The following TMEM43 variants were observed in gnomAD, a reference collection of about 807,000 sequenced individuals.
TMEM43 encodes the protein arrhythmogenic right ventricular dysplasia 5.
A neutral mutation model predicts 49.6 loss-of-function variants in TMEM43; 45 were observed. The observed-to-expected ratio is 0.91, with a 90% CI of 0.71 to 1.16. The LOEUF (loss-of-function observed/expected upper bound fraction) is 1.16, where lower values mean the gene tolerates loss of function less well. TMEM43 is among the 50% of genes most tolerant of loss of function. TMEM43 has a pLI of 0.00. For synonymous variants in TMEM43, 199 were observed against 207.8 expected, an observed-to-expected ratio of 0.96 and a Z score of 0.36; for missense variants, 532 against 516.6, an observed-to-expected ratio of 1.03 and a Z score of -0.29.
intron 1 of TMEM43, among the ~76,000 whole-genome samples, chr3:14,127,889 A>G (rs1455016671): frequency 1.3e-5 from 2 of 152,204 alleles, no homozygotes; most frequent in Non-Finnish European, 2.9e-5. Context: ...CCCCAATACC[A>G]GGATGGGGCC....
rs10648308 is a variant in TMEM43, at chr3:14,129,307, T to TAAAAA, written c.13-82_13-78dup. 3.1e-4 allele frequency: 118 copies of TAAAAA among 380,566 alleles called. 1 individual carries two copies. The highest frequency in any genetic ancestry group is 6.9e-4 in the African/African-American group (20 of 28,880). The allele number at this position is 380,566 out of a possible 1,614,324, so 23.6% of individuals were successfully genotyped here. A position where few individuals can be genotyped will look rare whatever the true frequency, so the allele number is the denominator to read the frequency against. ...TGTTTTTACCACATACAGTTAAAAC[T>TAAAAA]AAAAAAAAAAAAAAAAAAAAAAAAA... On this transcript the variant is annotated intron_variant, in intron 1 of 11. Transcript: ENST00000306077.
chr3:14,128,811 A>T (rs539444227), intron 1 of TMEM43: 6 of 358,320 alleles, frequency 1.7e-5, no homozygotes, highest in South Asian at 1.1e-4. Flanking sequence ...ATGTCTGCAT[A>T]AAGGTTCATG....
chr3:14,125,466 C>A (rs1017267424), intron 1 of TMEM43, among the ~76,000 whole-genome samples: 2 of 152,080 alleles, frequency 1.3e-5, no homozygotes, highest in African/African-American at 4.8e-5. Flanking sequence ...AGGTGTTGCT[C>A]CCGTACTGGG....
chr3:14,131,766 T>G, intron 4 of TMEM43, 92 bp downstream of exon 4: 3 of 900,916 alleles, frequency 3.3e-6, no homozygotes, highest in Non-Finnish European at 5.4e-6. Context: ...TTTTGATACC[T>G]TTGAAACTCA....
intron 10 of TMEM43, chr3:14,138,038 C>G (rs1695192514): frequency 6.6e-6 from 1 of 152,156 alleles, no homozygotes; most frequent in South Asian, 2.1e-4. Flanking sequence ...AGGACAGTAT[C>G]AAATAAATGG....
chr3:14,135,102 TG>T, intron 8 of TMEM43, 55 bp from the exon 9 acceptor site: 1 of 1,556,876 alleles, frequency 6.4e-7, no homozygotes, highest in Non-Finnish European at 8.8e-7. Flanking sequence ...ATCCTGGACC[TG>T]GGCCTGGGCC....
At chr3:14,128,100 A>C (rs1695042587) in intron 1 of TMEM43, among the ~76,000 whole-genome samples, 1 of 152,156 alleles carries the variant, frequency 6.6e-6, no homozygotes, top group Non-Finnish European at 1.5e-5. Context: ...GCACAGAGGA[A>C]ATGGAAGGCA....
chr3:14,136,694 A>G (rs1179729350), intron 10 of TMEM43, among the ~76,000 whole-genome samples: 3 of 143,836 alleles, frequency 2.1e-5, no homozygotes, highest in Non-Finnish European at 3.0e-5. Flanking sequence ...CAGAGCGGGG[A>G]GAGGGAGTGG....
At position 14,142,502 on chromosome 3, in the gene TMEM43, G is replaced by A. The variant is rs545159709; in HGVS notation, c.*707G>A. 1.3e-5 allele frequency: 2 copies of A among 152,748 alleles called. No homozygotes were observed. The highest frequency in any genetic ancestry group is 3.9e-4 in the East Asian group (2 of 5,186). 9.5% of individuals were successfully genotyped at this position (152,748 alleles called of 1,614,324 possible). ...TATTTAAGTTTTTCTTCGTTACTTT[G>A]CTGCTTCATGTGTACTTTCCTACCC... On this transcript the variant is annotated 3_prime_UTR_variant, in exon 12 of 12. Coordinates refer to ENST00000306077, the MANE Select transcript of TMEM43 (RefSeq NM_024334.3).
rs113745859 is a variant in TMEM43 at position 14,130,808 on chromosome 3, C to G, written c.163-14C>G. The stretch of plus-strand genomic sequence containing the variant: ...CCCTGAGCTGTTGAAATCCCCACTC[C>G]CCTTTGCTCCCAGGGCCGCGCATTG... On this transcript the variant is annotated splice_polypyrimidine_tract_variant and intron_variant, in intron 2 of 11. Transcript: ENST00000306077. 1.9e-6 allele frequency: 3 copies of G among 1,613,374 alleles called. No homozygotes were observed. The highest frequency in any genetic ancestry group is 1.7e-5 in the Admixed American group (1 of 59,916).
rs1695130290 is a variant in TMEM43 at position 14,133,728 on chromosome 3, C to T, written c.513-11C>T. On this transcript the variant is annotated splice_polypyrimidine_tract_variant and intron_variant, in intron 6 of 11. Transcript: ENST00000306077. The stretch of plus-strand genomic sequence containing the variant: ...CGGTGCCCATCTCTGACAGCTTCCT[C>T]TCTCCCACAGTGCCATGGCAGTGGA... 6.2e-7 allele frequency: 1 copy of T among 1,614,080 alleles called. No homozygotes were observed. The highest frequency in any genetic ancestry group is 8.5e-7 in the Non-Finnish European group (1 of 1,179,906).
At position 14,125,107 on chromosome 3, in the gene TMEM43, C is replaced by A; in HGVS notation, c.-87C>A. 6.4e-7 allele frequency: 1 copy of A among 1,562,942 alleles called. No individual in the cohort carries two copies. The highest frequency in any genetic ancestry group is 8.7e-7 in the Non-Finnish European group (1 of 1,148,720). ...CGCGGATTTTCGAAGCTGGGGCTGGCAAGAGGCCGCTGGACACCACGCTCC... is the reference window on the plus strand; with the variant it reads ...CGCGGATTTTCGAAGCTGGGGCTGGAAAGAGGCCGCTGGACACCACGCTCC... On this transcript the variant is annotated 5_prime_UTR_variant, in exon 1 of 12. Coordinates refer to ENST00000306077, the MANE Select transcript of TMEM43 (RefSeq NM_024334.3).
At chr3:14,135,780 A>C (rs1468201948) in intron 9 of TMEM43, 27 bp from the exon 10 acceptor site, 4 of 1,603,056 alleles carry the variant, frequency 2.5e-6, no homozygotes, top group Non-Finnish European at 3.4e-6. Context: ...GTCACCCCTC[A>C]GCTCTAACAC....
chr3:14,135,379 T>G, intron 9 of TMEM43, 147 bp downstream of exon 9: 1 of 744,346 alleles, frequency 1.3e-6, no homozygotes, highest in Non-Finnish European at 2.3e-6. Context: ...CAGGCACGCT[T>G]CTGAGCAGTT....
At chr3:14,131,777 A>G (rs1263189421) in intron 4 of TMEM43, 103 bp downstream of exon 4, 3 of 833,282 alleles carry the variant, frequency 3.6e-6, no homozygotes, top group Non-Finnish European at 6.1e-6. Flanking sequence ...TTGAAACTCA[A>G]GTATAACATC....
In TMEM43 at chr3:14,141,946, TGCACCAGGTTGGTGTTCACCA is replaced by T. The variant is rs1695254950; in HGVS notation, c.*154_*174del. On this transcript the variant is annotated 3_prime_UTR_variant, in exon 12 of 12. Coordinates refer to ENST00000306077, the MANE Select transcript of TMEM43 (RefSeq NM_024334.3). ...TTCAGGGGCCAGACTTGGCAGCATG[TGCACCAGGTTGGTGTTCACCA>T]GCTCATGTCTTCCCCACATCTCTTC... 2.9e-5 allele frequency: 21 copies of T among 730,744 alleles called. No individual in the cohort carries two copies. In the South Asian group the frequency reaches 3.9e-4, roughly 14 times the overall value. The allele number at this position is 730,744 out of a possible 1,614,324, so 45.3% of individuals were successfully genotyped here. A position where few individuals can be genotyped will look rare whatever the true frequency, so the allele number is the denominator to read the frequency against.
At chr3:14,128,300 A>G (rs1695045319) in intron 1 of TMEM43, among the ~76,000 whole-genome samples, 3 of 152,180 alleles carry the variant, frequency 2.0e-5, no homozygotes, top group Admixed American at 2.0e-4. Flanking sequence ...TTTGAGGCCC[A>G]CTGTGAACCT....
intron 11 of TMEM43, among the ~76,000 whole-genome samples, chr3:14,139,857 T>G (rs1200294853): frequency 6.6e-6 from 1 of 152,106 alleles, no homozygotes; most frequent in Non-Finnish European, 1.5e-5. Context: ...TGACCTGAGG[T>G]TGGCACCAGT....
At chr3:14,135,286 G>A in intron 9 of TMEM43, 54 bp downstream of exon 9, 1 of 1,454,990 alleles carries the variant, frequency 6.9e-7, no homozygotes. Context: ...GACTTTCCTG[G>A]ACACAGACAC....
Sources: gnomAD v4.1 joint callset for allele counts (sites outside exome capture counted in the v4.1 genomes callset) on GRCh38, gnomAD v4.1.1 for gene constraint, MANE v1.5 for transcripts, NCBI Gene and HGNC (gene_info 2026-07-23, HGNC 2026-07-21) for gene names.